XKR6: variants seen among roughly 807,000 people sequenced by gnomAD.
XKR6 encodes the protein XK-related protein 6.
In XKR6, 22 loss-of-function variants were observed where a neutral mutation model predicts 56.7. That is an observed-to-expected ratio of 0.39 (90% CI 0.28 to 0.55). The LOEUF is 0.55. XKR6 is among the 20% of genes least tolerant of loss of function. XKR6 has a pLI of 0.66. For synonymous variants in XKR6, 524 were observed against 387.8 expected, an observed-to-expected ratio of 1.35 and a Z score of -4.13; for missense variants, 852 against 889.0, an observed-to-expected ratio of 0.96 and a Z score of 0.53.
At chr8:11,010,910 C>T (rs904394523) in intron 1 of XKR6, among the ~76,000 whole-genome samples, 1 of 152,162 alleles carries the variant, frequency 6.6e-6, no homozygotes. Flanking sequence ...GTCTCCTTTT[C>T]ACTCATGTGA....
chr8:11,062,531 C>G, intron 1 of XKR6: 1 of 355,590 alleles, frequency 2.8e-6, no homozygotes, highest in South Asian at 2.1e-5. Context: ...TCTACCTGCC[C>G]GATCCAGCAA....
chr8:11,051,497 G>A (rs1335852896), intron 1 of XKR6, among the ~76,000 whole-genome samples: 2 of 152,108 alleles, frequency 1.3e-5, no homozygotes, highest in Non-Finnish European at 2.9e-5. Context: ...CTTCCTTCGG[G>A]CTTCCCCAGC....
chr8:10,994,580 C>G (rs1008307051), intron 1 of XKR6, among the ~76,000 whole-genome samples: 13 of 152,334 alleles, frequency 8.5e-5, no homozygotes, highest in African/African-American at 2.6e-4. Flanking sequence ...AGTCCATGAT[C>G]AGAGTTGGGA....
At chr8:11,076,316 G>A (rs935613612) in intron 1 of XKR6, among the ~76,000 whole-genome samples, 5 of 152,158 alleles carry the variant, frequency 3.3e-5, no homozygotes, top group African/African-American at 9.7e-5. Flanking sequence ...TGCACAACAA[G>A]GTGAATGTTC....
intron 2 of XKR6, among the ~76,000 whole-genome samples, chr8:10,919,778 T>A (rs1563288980): frequency 6.6e-6 from 1 of 152,132 alleles, no homozygotes; most frequent in Non-Finnish European, 1.5e-5. Flanking sequence ...AGCGGAGCCT[T>A]AGCAGACACA....
At chr8:11,112,635 T>G (rs1340185383) in intron 1 of XKR6, among the ~76,000 whole-genome samples, 1 of 151,998 alleles carries the variant, frequency 6.6e-6, no homozygotes, top group Non-Finnish European at 1.5e-5. Context: ...AAACAACACA[T>G]CAGGAGATAT....
intron 1 of XKR6, among the ~76,000 whole-genome samples, chr8:11,053,869 C>T (rs531038308): frequency 1.1e-4 from 17 of 152,298 alleles, no homozygotes; most frequent in Admixed American, 2.6e-4. Flanking sequence ...TAGGTCTTTC[C>T]GCACTCTAGA....
At chr8:10,965,000 C>T (rs1457053806) in intron 1 of XKR6, among the ~76,000 whole-genome samples, 1 of 152,254 alleles carries the variant, frequency 6.6e-6, no homozygotes, top group African/African-American at 2.4e-5. Flanking sequence ...CTCCTCTTTA[C>T]ATCGCCTTCC....
intron 1 of XKR6, among the ~76,000 whole-genome samples, chr8:11,075,553 G>A (rs933009017): frequency 6.6e-6 from 1 of 152,178 alleles, no homozygotes; most frequent in Non-Finnish European, 1.5e-5. Flanking sequence ...CTGGCAGGTG[G>A]ATGGAGTAGA....
chr8:11,092,552 T>C (rs1246023731), intron 1 of XKR6, among the ~76,000 whole-genome samples: 2 of 151,916 alleles, frequency 1.3e-5, no homozygotes, highest in Non-Finnish European at 2.9e-5. Context: ...ACAGGGGGTA[T>C]CCCGGGTGAT....
chr8:10,991,029 G>A (rs1287046742), intron 1 of XKR6, among the ~76,000 whole-genome samples: 1 of 148,992 alleles, frequency 6.7e-6, no homozygotes, highest in Non-Finnish European at 1.5e-5. Context: ...TCAGCCTCCT[G>A]AGTAACTGGG....
At chr8:11,059,353 G>A (rs1429402623) in intron 1 of XKR6, among the ~76,000 whole-genome samples, 2 of 152,238 alleles carry the variant, frequency 1.3e-5, no homozygotes, top group African/African-American at 4.8e-5. Context: ...GGAGACTCTG[G>A]CTTGCGTTTT....
intron 1 of XKR6, among the ~76,000 whole-genome samples, chr8:11,183,839 C>A (rs1803123851): frequency 1.3e-5 from 2 of 152,218 alleles, no homozygotes; most frequent in East Asian, 1.9e-4. Context: ...AGGGTTTAAA[C>A]ACAGCATAAG....
At chr8:10,905,142 T>C (rs1483026248) in intron 2 of XKR6, among the ~76,000 whole-genome samples, 1 of 152,126 alleles carries the variant, frequency 6.6e-6, no homozygotes, top group Non-Finnish European at 1.5e-5. Flanking sequence ...GGACCCTGCA[T>C]CCTCTCCTGA....
At chr8:11,014,022 C>A (rs939186204) in intron 1 of XKR6, among the ~76,000 whole-genome samples, 3 of 152,234 alleles carry the variant, frequency 2.0e-5, no homozygotes, top group African/African-American at 7.2e-5. Flanking sequence ...GGCAGACAGG[C>A]CTAACGGGCC....
At chr8:10,988,592 C>T (rs1425308597) in intron 1 of XKR6, among the ~76,000 whole-genome samples, 1 of 152,164 alleles carries the variant, frequency 6.6e-6, no homozygotes, top group African/African-American at 2.4e-5. Flanking sequence ...ACGAGAGCTA[C>T]TGAGGACCAG....
At chr8:10,991,649 G>A (rs1248117350) in intron 1 of XKR6, among the ~76,000 whole-genome samples, 4 of 152,064 alleles carry the variant, frequency 2.6e-5, no homozygotes, top group African/African-American at 9.7e-5. Flanking sequence ...GGTTTTCTGT[G>A]GACTTGAGTG....
chr8:10,944,006 C>A, intron 1 of XKR6, among the ~76,000 whole-genome samples: 2 of 152,126 alleles, frequency 1.3e-5, no homozygotes, highest in East Asian at 3.9e-4. Context: ...CCTCCAATAT[C>A]CGAGCTCTCC....
At position 10,909,432 on chromosome 8, in the gene XKR6, C is replaced by A. The variant is rs184751387; in HGVS notation, c.962-10516G>T. Among the ~76,000 whole-genome samples the A allele has an allele frequency of 1.7e-3, 258 of 152,304 alleles. 1 individual carries two copies. Among genetic ancestry groups the A allele is most frequent in the African/African-American group, 6.0e-3 (251 of 41,568 alleles). ...TTTTTTTCCACCATAGCATTTTGCACCATCTTGATCAACTTTTCTCCTGCT... is the reference window on the plus strand; with the variant it reads ...TTTTTTTCCACCATAGCATTTTGCAACATCTTGATCAACTTTTCTCCTGCT... On this transcript the variant is annotated intron_variant, in intron 2 of 2. Transcript: ENST00000416569.
Sources: allele counts gnomAD v4.1 joint callset (sites outside exome capture counted in the v4.1 genomes callset), GRCh38; gene constraint gnomAD v4.1.1; transcripts MANE v1.5; gene names NCBI Gene and HGNC (gene_info 2026-07-23, HGNC 2026-07-21).